Variants in CYRIB observed in about 807,000 individuals in gnomAD.
The protein encoded by CYRIB is CYFIP related Rac1 interactor B.
CYRIB carries 8 observed loss-of-function variants against 44.2 expected under a neutral mutation model. The observed-to-expected ratio is 0.18, with a 90% CI of 0.11 to 0.33. The LOEUF (loss-of-function observed/expected upper bound fraction) is 0.33. Ranked by LOEUF, CYRIB falls within the 10% of genes least tolerant of loss-of-function variation. CYRIB has a pLI of 1.00. For synonymous variants in CYRIB, 131 were observed against 127.2 expected, an observed-to-expected ratio of 1.03 and a Z score of -0.20; for missense variants, 185 against 382.8, an observed-to-expected ratio of 0.48 and a Z score of 4.31.
At chr8:129,949,213 G>C (rs1000467853) in intron 2 of CYRIB, 1 of 152,090 alleles carries the variant, frequency 6.6e-6, no homozygotes, top group Non-Finnish European at 1.5e-5. Flanking sequence ...ACCATCATTA[G>C]AAGACAAAAG....
At position 130,001,328 on chromosome 8, in the gene CYRIB, A is replaced by G. The variant is rs111241650; in HGVS notation, c.-296+15042T>C. ...CTTGCTCCCTGGACGTCCAGGAGGC[A>G]GGAGCAGAGAGATTGGTCAGGTGCT... is the stretch of plus-strand genomic sequence containing the variant. On this transcript the variant is annotated intron_variant, in intron 1 of 14. Transcript: ENST00000401979. Among the ~76,000 whole-genome samples, 13 of 152,250 alleles carry G rather than the reference A, an allele frequency of 8.5e-5. 1 individual carries two copies. The highest frequency in any genetic ancestry group is 2.9e-4 in the African/African-American group (12 of 41,532).
chr8:129,914,194 C>T (rs757175179), intron 1 of CYRIB, among the ~76,000 whole-genome samples: 19 of 151,676 alleles, frequency 1.3e-4, no homozygotes, highest in Admixed American at 2.0e-4. Context: ...CCAACAAAGA[C>T]GAAAGTGAAG....
intron 1 of CYRIB, among the ~76,000 whole-genome samples, chr8:130,005,369 G>A (rs2097029093): frequency 6.6e-6 from 1 of 152,168 alleles, no homozygotes; most frequent in African/African-American, 2.4e-5. Flanking sequence ...CAGGCTATCT[G>A]GTCAAAAGAA....
chr8:129,866,520 A>T (rs567457919), intron 4 of CYRIB, among the ~76,000 whole-genome samples: 1 of 152,318 alleles, frequency 6.6e-6, no homozygotes, highest in Admixed American at 6.5e-5. Context: ...AATAACTTAA[A>T]TCACACATTT....
At chr8:129,993,364 G>A (rs1395993578) in intron 1 of CYRIB, among the ~76,000 whole-genome samples, 1 of 151,274 alleles carries the variant, frequency 6.6e-6, no homozygotes, top group African/African-American at 2.4e-5. Context: ...CTACACTCCA[G>A]CCTGGGTGAC....
At chr8:130,015,341 C>T (rs1380514441) in intron 1 of CYRIB, among the ~76,000 whole-genome samples, 2 of 152,328 alleles carry the variant, frequency 1.3e-5, no homozygotes, top group East Asian at 3.9e-4. Context: ...ATGACACTTT[C>T]TATCACTGCG....
At position 129,924,314 on chromosome 8, in the gene CYRIB, G is replaced by GGGGGGA. The variant is rs1554645242; in HGVS notation, c.-50+15293_-50+15294insTCCCCC. On this transcript the variant is annotated intron_variant, in intron 1 of 11. Coordinates refer to ENST00000519824, the Ensembl canonical transcript of CYRIB. Reference sequence around the variant, plus strand: ...ACCGGGGGGGGGGGGGGTGGCGGGGGGGGTGTTACTTACCTCACATCAGTG... The same window carrying GGGGGGA: ...ACCGGGGGGGGGGGGGGTGGCGGGGGGGGGGAGGGTGTTACTTACCTCACATCAGTG... 1.1e-3 allele frequency among the ~76,000 whole-genome samples: 38 copies of GGGGGGA among 34,942 alleles called. 2 individuals carry two copies. The highest frequency in any genetic ancestry group is 1.4e-3 in the Non-Finnish European group (28 of 19,572). The allele number at this position is 34,942 out of a possible 152,430, so 22.9% of individuals were successfully genotyped here.
chr8:129,883,344 C>T (rs907484290), intron 2 of CYRIB, among the ~76,000 whole-genome samples: 1 of 151,954 alleles, frequency 6.6e-6, no homozygotes, highest in Non-Finnish European at 1.5e-5. Flanking sequence ...CGCCAAATAT[C>T]TCCTGGGGGC....
chr8:129,890,857 C>A (rs2065060351), intron 2 of CYRIB, among the ~76,000 whole-genome samples: 1 of 149,632 alleles, frequency 6.7e-6, no homozygotes, highest in Non-Finnish European at 1.5e-5. Context: ...TGCACCACTG[C>A]ACTCTACACT....
chr8:129,928,323 A>T (rs1161387063), intron 1 of CYRIB, among the ~76,000 whole-genome samples: 1 of 148,896 alleles, frequency 6.7e-6, no homozygotes, highest in African/African-American at 2.5e-5. Context: ...CCATCTCTTA[A>T]GAAAAAAAAA....
intron 1 of CYRIB, among the ~76,000 whole-genome samples, chr8:129,924,644 C>G (rs1589952243): frequency 1.3e-5 from 2 of 152,022 alleles, no homozygotes; most frequent in Non-Finnish European, 2.9e-5. Context: ...TGGTCACTCC[C>G]AAGTTATAAA....
At chr8:129,876,933 G>C (rs531944640) in intron 3 of CYRIB, among the ~76,000 whole-genome samples, 1 of 152,346 alleles carries the variant, frequency 6.6e-6, no homozygotes, top group African/African-American at 2.4e-5. Flanking sequence ...AGAATTAGCA[G>C]ATAACTATGT....
intron 10 of CYRIB, 36 bp downstream of exon 12, chr8:129,849,207 C>G: frequency 6.5e-7 from 1 of 1,540,330 alleles, no homozygotes; most frequent in Non-Finnish European, 8.7e-7. Flanking sequence ...CATGGAGAAA[C>G]TCGTTTGAAA....
chr8:129,875,397 GAT>G (rs1200644682), intron 3 of CYRIB, among the ~76,000 whole-genome samples: 4 of 151,384 alleles, frequency 2.6e-5, no homozygotes, highest in Non-Finnish European at 5.9e-5. Flanking sequence ...TTTTCATACA[GAT>G]AGAGTCTTGC....
intron 2 of CYRIB, among the ~76,000 whole-genome samples, chr8:129,884,462 A>G (rs2061966052): frequency 6.6e-6 from 1 of 151,744 alleles, no homozygotes; most frequent in African/African-American, 2.4e-5. Context: ...CTAATTTTGT[A>G]TTTTTAGTAG....
intron 10 of CYRIB, 82 bp downstream of exon 12, chr8:129,849,161 G>C: frequency 4.5e-6 from 6 of 1,342,564 alleles, no homozygotes; most frequent in Non-Finnish European, 6.0e-6. Context: ...AGTCCGGTTT[G>C]CTGGCTCTTA....
In CYRIB at chr8:129,860,413, T is replaced by C. The variant is rs543341886; in HGVS notation, c.301+1816A>G. ...AACCAAGACAGAAAACCTAGGCTGA[T>C]TGGGTTATAAAGTGCAAAGCTACAA... On this transcript the variant is annotated intron_variant, in intron 5 of 11. Transcript: ENST00000519824. Among the ~76,000 whole-genome samples the C allele has an allele frequency of 5.9e-5, 9 of 152,266 alleles. No individual in the cohort carries two copies. In the South Asian group the frequency reaches 6.2e-4, roughly 11 times the overall value.
At chr8:129,954,759 T>TA (rs921223182) in intron 2 of CYRIB, among the ~76,000 whole-genome samples, 2 of 152,172 alleles carry the variant, frequency 1.3e-5, no homozygotes, top group Non-Finnish European at 2.9e-5. Context: ...ATACTGTCTT[T>TA]ATTTCCAAAG....
intron 4 of CYRIB, among the ~76,000 whole-genome samples, chr8:129,867,918 A>T (rs991673707): frequency 2.6e-5 from 4 of 152,186 alleles, no homozygotes; most frequent in Non-Finnish European, 5.9e-5. Flanking sequence ...CTCCAAAAAG[A>T]CTACCCATTT....
Sources: gnomAD v4.1 joint callset for allele counts (sites outside exome capture counted in the v4.1 genomes callset) on GRCh38, gnomAD v4.1.1 for gene constraint, MANE v1.5 for transcripts, NCBI Gene and HGNC (gene_info 2026-07-23, HGNC 2026-07-21) for gene names.